ABAT: variants seen among roughly 807,000 people sequenced by gnomAD.
The protein encoded by ABAT is 4-aminobutyrate aminotransferase, also known as 4-aminobutyrate aminotransferase, mitochondrial.
Under a neutral mutation model 64.6 loss-of-function variants are expected in ABAT, and 45 were observed. That is an observed-to-expected ratio of 0.70 (90% CI 0.55 to 0.89). The LOEUF (loss-of-function observed/expected upper bound fraction) is 0.89. ABAT is among the 40% of genes least tolerant of loss of function. The probability of loss-of-function intolerance (pLI) is 0.00; values close to 1 mark genes in which losing one functional copy is unlikely to be tolerated. For synonymous variants in ABAT, 297 were observed against 250.5 expected (o/e 1.19, Z -1.75); for missense variants, 633 against 658.4 (o/e 0.96, Z 0.42).
At chr16:8,741,601 C>T (rs536278109) in intron 2 of ABAT, among the ~76,000 whole-genome samples, 3 of 152,334 alleles carry the variant, frequency 2.0e-5, no homozygotes, top group Admixed American at 2.0e-4. Context: ...GAATCTGCTT[C>T]TGTGTCTTCA....
At chr16:8,743,059 C>G (rs2059211477) in intron 2 of ABAT, among the ~76,000 whole-genome samples, 1 of 147,834 alleles carries the variant, frequency 6.8e-6, no homozygotes, top group Admixed American at 6.8e-5. Flanking sequence ...CTTTAGCTCT[C>G]TTCTAATGGA....
intron 11 of ABAT, among the ~76,000 whole-genome samples, chr16:8,772,158 C>A (rs141402811): frequency 3.4e-4 from 52 of 151,996 alleles, no homozygotes; most frequent in African/African-American, 1.2e-3. Context: ...AGAATAGGAA[C>A]AATAATAATC....
At chr16:8,722,960 C>T in intron 1 of ABAT, 1 of 973,216 alleles carries the variant, frequency 1.0e-6, no homozygotes, top group Non-Finnish European at 1.4e-6. Flanking sequence ...GTGATCCAGC[C>T]AGGCAAGGTG....
At chr16:8,754,165 TG>T (rs1305754021) in intron 5 of ABAT, among the ~76,000 whole-genome samples, 9 of 131,672 alleles carry the variant, frequency 6.8e-5, no homozygotes, top group Non-Finnish European at 1.4e-4. Context: ...GCCAACATGT[TG>T]AAACCCTGTC....
chr16:8,721,410 C>A (rs1237891158), intron 1 of ABAT, among the ~76,000 whole-genome samples: 1 of 152,144 alleles, frequency 6.6e-6, no homozygotes, highest in East Asian at 1.9e-4. Context: ...TCCAGAGCTT[C>A]CCCCGGTGCC....
chr16:8,738,577 G>A (rs1185872847), intron 2 of ABAT: 1 of 370,866 alleles, frequency 2.7e-6, no homozygotes, highest in Non-Finnish European at 5.2e-6. Context: ...TGGCTTTTGA[G>A]GTTTTGCTTT....
intron 13 of ABAT, 110 bp downstream of exon 13, chr16:8,775,167 C>A: frequency 6.9e-7 from 1 of 1,439,966 alleles, no homozygotes; most frequent in South Asian, 1.2e-5. Flanking sequence ...CTTACTGGGT[C>A]GCAGGTTTTC....
chr16:8,752,174 A>G (rs1185197282), intron 5 of ABAT, among the ~76,000 whole-genome samples: 1 of 152,146 alleles, frequency 6.6e-6, no homozygotes, highest in Non-Finnish European at 1.5e-5. Context: ...TTTGCCACTA[A>G]CATGAGATTA....
chr16:8,688,323 A>G (rs916405244), intron 1 of ABAT, among the ~76,000 whole-genome samples: 5 of 152,210 alleles, frequency 3.3e-5, no homozygotes, highest in African/African-American at 1.2e-4. Flanking sequence ...TCACAGAGGT[A>G]GCAAGAAGTT....
intron 5 of ABAT, among the ~76,000 whole-genome samples, chr16:8,754,662 ATT>A (rs779413223): frequency 2.1e-5 from 3 of 145,974 alleles, no homozygotes; most frequent in Non-Finnish European, 4.5e-5. Flanking sequence ...CAGCAAGTTG[ATT>A]TATTTATTTC....
At chr16:8,690,016 CT>C (rs1157034735) in intron 1 of ABAT, among the ~76,000 whole-genome samples, 4 of 152,148 alleles carry the variant, frequency 2.6e-5, no homozygotes, top group Admixed American at 2.0e-4. Context: ...TTCCAAGAGC[CT>C]TTTCAGCACA....
chr16:8,758,228 G>C (rs1047233006), intron 6 of ABAT, among the ~76,000 whole-genome samples: 1 of 152,186 alleles, frequency 6.6e-6, no homozygotes, highest in Non-Finnish European at 1.5e-5. Flanking sequence ...CTGAGGCACA[G>C]AGTGGTTAAG....
rs78265304 is a variant in ABAT at position 8,735,157 on chromosome 16, G to A, written c.-41-542G>A. Reference sequence around the variant, plus strand: ...CCACTGCACTCCAGCCTGAGCGATAGAATGAGACTCCATCTCAAAAAAAAA... The same window carrying A: ...CCACTGCACTCCAGCCTGAGCGATAAAATGAGACTCCATCTCAAAAAAAAA... On this transcript the variant is annotated intron_variant, in intron 1 of 15. Transcript: ENST00000268251. 2.1e-4 allele frequency among the ~76,000 whole-genome samples: 28 copies of A among 131,412 alleles called. No homozygotes were observed. The East Asian group carries it at 5.8e-3, about 27-fold the overall frequency. 86.2% of individuals were successfully genotyped at this position (131,412 alleles called of 152,430 possible).
chr16:8,706,238 A>AT (rs1029333942), intron 1 of ABAT, among the ~76,000 whole-genome samples: 7,616 of 149,068 alleles, frequency 0.051, 212 homozygotes, highest in East Asian at 0.091. Context: ...TATAAAAAAA[A>AT]ATATATATAT....
intron 1 of ABAT, among the ~76,000 whole-genome samples, chr16:8,682,472 A>G (rs143706428): frequency 3.3e-4 from 51 of 152,334 alleles, no homozygotes; most frequent in African/African-American, 1.2e-3. Context: ...CTTTAGCATC[A>G]GAATCCCCTC....
intron 11 of ABAT, among the ~76,000 whole-genome samples, chr16:8,769,484 G>A (rs959641248): frequency 2.7e-5 from 4 of 150,482 alleles, no homozygotes; most frequent in African/African-American, 4.9e-5. Context: ...CCTTGGACCC[G>A]GGAGGCAGAG....
chr16:8,745,767 C>T (rs1392181332), intron 2 of ABAT, among the ~76,000 whole-genome samples: 4 of 152,194 alleles, frequency 2.6e-5, no homozygotes, highest in Non-Finnish European at 4.4e-5. Context: ...AAAACAGGAG[C>T]ATGCCTATTT....
At chr16:8,704,978 G>C (rs556993030) in intron 1 of ABAT, among the ~76,000 whole-genome samples, 52 of 152,232 alleles carry the variant, frequency 3.4e-4, no homozygotes, top group African/African-American at 1.0e-3. Context: ...GAGACACTGT[G>C]CCTGTGGCTT....
intron 15 of ABAT, 107 bp downstream of exon 15, chr16:8,779,697 G>T: frequency 4.7e-6 from 4 of 852,566 alleles, no homozygotes; most frequent in East Asian, 2.6e-5. Flanking sequence ...GGGGGCAGGT[G>T]GTACACAGGT....
Sources: allele counts gnomAD v4.1 joint callset (sites outside exome capture counted in the v4.1 genomes callset), GRCh38; gene constraint gnomAD v4.1.1; transcripts MANE v1.5; gene names NCBI Gene and HGNC (gene_info 2026-07-23, HGNC 2026-07-21).